DENND2B: variants seen among roughly 807,000 people sequenced by gnomAD.
The protein encoded by DENND2B is DENN domain-containing protein 2B.
A neutral mutation model predicts 116.0 loss-of-function variants in DENND2B; 32 were observed. That is an observed-to-expected ratio of 0.28 (90% CI 0.21 to 0.37). DENND2B has a LOEUF of 0.37. Among genes scored for constraint, DENND2B ranks in the 10% least tolerant of loss-of-function variants. The probability of loss-of-function intolerance (pLI) is 1.00; values close to 1 mark genes in which losing one functional copy is unlikely to be tolerated. For missense variants in DENND2B, 1,276 were observed against 1,477.7 expected, an observed-to-expected ratio of 0.86 and a Z score of 2.24; for synonymous variants, 588 against 583.9, an observed-to-expected ratio of 1.01 and a Z score of -0.10.
chr11:8,909,071 C>G (rs1295940487), intron 1 of DENND2B, among the ~76,000 whole-genome samples: 1 of 151,940 alleles, frequency 6.6e-6, no homozygotes, highest in Non-Finnish European at 1.5e-5. Flanking sequence ...AGATACAGTC[C>G]CTTCCCTCAA....
At chr11:8,885,721 T>C (rs1021736642) in intron 1 of DENND2B, among the ~76,000 whole-genome samples, 2 of 152,196 alleles carry the variant, frequency 1.3e-5, no homozygotes, top group African/African-American at 4.8e-5. Context: ...TTCTGAAATG[T>C]TATATAAAAA....
At chr11:8,774,419 G>T (rs1005941566) in intron 1 of DENND2B, 2 of 745,112 alleles carry the variant, frequency 2.7e-6, no homozygotes, top group Non-Finnish European at 3.3e-6. Flanking sequence ...TAGTGTCACT[G>T]CCATTAGCTG....
At chr11:8,741,657 A>C (rs556256699) in intron 2 of DENND2B, among the ~76,000 whole-genome samples, 1 of 152,294 alleles carries the variant, frequency 6.6e-6, no homozygotes, top group East Asian at 1.9e-4. Flanking sequence ...ATACAATACA[A>C]GTGATGTGGT....
At chr11:8,894,055 G>A (rs1453005133) in intron 1 of DENND2B, among the ~76,000 whole-genome samples, 1 of 152,110 alleles carries the variant, frequency 6.6e-6, no homozygotes. Flanking sequence ...CAGAGATCTA[G>A]ACCAATGGAA....
intron 1 of DENND2B, among the ~76,000 whole-genome samples, chr11:8,778,155 GAAGGA>G (rs1382961010): frequency 2.6e-5 from 4 of 152,242 alleles, no homozygotes; most frequent in African/African-American, 9.6e-5. Context: ...GGGCAGAACA[GAAGGA>G]AAGAAGTTAC....
At chr11:8,718,606 A>C in intron 4 of DENND2B, 1 of 1,333,060 alleles carries the variant, frequency 7.5e-7, no homozygotes, top group South Asian at 2.1e-5. Context: ...AACCATCAAC[A>C]CTCCCCTTTT....
At position 8,841,228 on chromosome 11, in the gene DENND2B, T is replaced by C. The variant is rs190258378; in HGVS notation, c.-155-1878A>G. ...TGATTTGCAAATGTCTCTTCTTATA[T>C]GTTGTGAAGATGATAATAGATTTGA... On this transcript the variant is annotated intron_variant, in intron 3 of 6. Coordinates refer to the DENND2B transcript ENST00000524757. Among the ~76,000 whole-genome samples, 3 of 152,336 alleles carry C rather than the reference T, an allele frequency of 2.0e-5. No homozygotes were observed. In the East Asian group the frequency reaches 5.8e-4, roughly 29 times the overall value.
At chr11:8,796,033 T>C (rs10500707) in intron 1 of DENND2B, among the ~76,000 whole-genome samples, 45,281 of 152,094 alleles carry the variant, frequency 0.3, 7,008 homozygotes, top group Middle Eastern at 0.43. Context: ...ACCAAAGAAA[T>C]TCCTCTGTTT....
At chr11:8,718,503 G>A in intron 4 of DENND2B, 1 of 1,461,386 alleles carries the variant, frequency 6.8e-7, no homozygotes, top group African/African-American at 1.4e-5. Flanking sequence ...ACGGAACAGT[G>A]ATTAGCAAGG....
chr11:8,838,933 TAC>T lies in DENND2B; in HGVS notation c.-115+375_-115+376del, dbSNP rs1434657950. ...TAGAAGCAATGACCATTCTTAGGCCTACAACACAGATGTATGCTGAAGCAACA... is the reference window on the plus strand; with the variant it reads ...TAGAAGCAATGACCATTCTTAGGCCTAACACAGATGTATGCTGAAGCAACA... On this transcript the variant is annotated intron_variant, in intron 4 of 6. Coordinates refer to the DENND2B transcript ENST00000524757. Among the ~76,000 whole-genome samples the T allele has an allele frequency of 2.6e-5, 4 of 152,260 alleles. No individual in the cohort carries two copies. The East Asian group carries it at 7.7e-4, about 29-fold the overall frequency.
chr11:8,793,931 G>C (rs1593784479), intron 1 of DENND2B, among the ~76,000 whole-genome samples: 1 of 152,048 alleles, frequency 6.6e-6, no homozygotes, highest in African/African-American at 2.4e-5. Context: ...ACATAAAAAT[G>C]CATCATTTAA....
intron 2 of DENND2B, among the ~76,000 whole-genome samples, chr11:8,746,925 G>A (rs976798078): frequency 1.3e-5 from 2 of 152,088 alleles, no homozygotes; most frequent in African/African-American, 4.8e-5. Context: ...TCTTTTCTGT[G>A]CCTCAGTTTC....
At position 8,761,472 on chromosome 11, in the gene DENND2B, T is replaced by C. The variant is rs547191395; in HGVS notation, c.-25-10747A>G. Among the ~76,000 whole-genome samples the C allele has an allele frequency of 5.3e-5, 8 of 152,306 alleles. No homozygotes were observed. In the South Asian group the frequency reaches 1.5e-3, roughly 28 times the overall value. On this transcript the variant is annotated intron_variant, in intron 1 of 19. Transcript: ENST00000313726. ...TGCAATTTCGATGATCCAGAGGCCATAGTCCTATCTTAGAGCAGCACCTTC... is the reference window on the plus strand; with the variant it reads ...TGCAATTTCGATGATCCAGAGGCCACAGTCCTATCTTAGAGCAGCACCTTC...
chr11:8,847,004 GTCTA>G (rs759704772), intron 3 of DENND2B, among the ~76,000 whole-genome samples: 28 of 152,216 alleles, frequency 1.8e-4, no homozygotes, highest in Non-Finnish European at 2.6e-4. Flanking sequence ...TCATCCAAAT[GTCTA>G]TCTCTTTCAC....
intron 3 of DENND2B, among the ~76,000 whole-genome samples, chr11:8,853,932 T>C (rs1254328184): frequency 6.6e-6 from 1 of 150,708 alleles, no homozygotes; most frequent in Non-Finnish European, 1.5e-5. Flanking sequence ...CACTGCAGCC[T>C]TGAACTCCTG....
At chr11:8,757,183 T>A in intron 1 of DENND2B, 1 of 437,740 alleles carries the variant, frequency 2.3e-6, no homozygotes, top group South Asian at 1.6e-5. Context: ...CCAGTGAGTG[T>A]CAAAGACTCA....
intron 3 of DENND2B, among the ~76,000 whole-genome samples, chr11:8,848,581 A>G (rs1056652235): frequency 6.6e-6 from 1 of 152,198 alleles, no homozygotes; most frequent in African/African-American, 2.4e-5. Flanking sequence ...GTGGTTATAG[A>G]TTTTTAAAGT....
At chr11:8,697,848 G>A in intron 16 of DENND2B, 2 of 582,112 alleles carry the variant, frequency 3.4e-6, no homozygotes, top group East Asian at 6.2e-5. Context: ...GTGGTAGAGG[G>A]TCAGGCGCAG....
chr11:8,909,403 AGAG>A (rs1273277430), intron 1 of DENND2B, among the ~76,000 whole-genome samples: 1 of 131,372 alleles, frequency 7.6e-6, no homozygotes, highest in African/African-American at 2.7e-5. Flanking sequence ...AGAAGGAAGA[AGAG>A]GAAGAAGAGG....
Sources: gnomAD v4.1 joint callset for allele counts (sites outside exome capture counted in the v4.1 genomes callset) on GRCh38, gnomAD v4.1.1 for gene constraint, MANE v1.5 for transcripts, NCBI Gene and HGNC (gene_info 2026-07-23, HGNC 2026-07-21) for gene names.